Variants in LRRTM4 observed in about 807,000 individuals in gnomAD.
LRRTM4 encodes leucine-rich repeat transmembrane neuronal protein 4.
Under a neutral mutation model 47.6 loss-of-function variants are expected in LRRTM4, and 25 were observed. The ratio of observed to expected loss-of-function variants is 0.53; its 90% confidence interval spans 0.38 to 0.73. The LOEUF (loss-of-function observed/expected upper bound fraction) is 0.73, where lower values mean the gene tolerates loss of function less well. Ranked by LOEUF, LRRTM4 falls within the 30% of genes least tolerant of loss-of-function variation. The pLI is 0.00. For synonymous variants in LRRTM4, 311 were observed against 269.5 expected (o/e 1.15, Z -1.51); for missense variants, 638 against 713.4 (o/e 0.89, Z 1.20).
chr2:77,239,724 C>T (rs538859595), intron 3 of LRRTM4, among the ~76,000 whole-genome samples: 2 of 151,692 alleles, frequency 1.3e-5, no homozygotes, highest in African/African-American at 2.4e-5. Flanking sequence ...ATATAATAAC[C>T]CTATTGTTGC....
intron 3 of LRRTM4, among the ~76,000 whole-genome samples, chr2:77,044,396 G>T (rs1458410110): frequency 6.6e-6 from 1 of 151,660 alleles, no homozygotes. Context: ...ACCTTCTATG[G>T]AAGCTCAAAA....
chr2:77,392,988 T>C (rs1195881655), intron 3 of LRRTM4, among the ~76,000 whole-genome samples: 3 of 151,998 alleles, frequency 2.0e-5, no homozygotes, highest in Admixed American at 6.6e-5. Context: ...TAAATATATA[T>C]AGTTTTTACT....
At chr2:77,183,089 C>G (rs1165279659) in intron 3 of LRRTM4, among the ~76,000 whole-genome samples, 2 of 152,122 alleles carry the variant, frequency 1.3e-5, no homozygotes, top group Admixed American at 6.6e-5. Context: ...CAAATGGGAT[C>G]TAATTAAACT....
chr2:77,156,095 A>G (rs755176605), intron 3 of LRRTM4, among the ~76,000 whole-genome samples: 6 of 152,090 alleles, frequency 3.9e-5, no homozygotes, highest in Non-Finnish European at 8.8e-5. Flanking sequence ...ACTAGTAAAT[A>G]AAGTACTCTG....
At chr2:77,479,287 T>C (rs1218269300) in intron 3 of LRRTM4, among the ~76,000 whole-genome samples, 1 of 152,224 alleles carries the variant, frequency 6.6e-6, no homozygotes, top group Non-Finnish European at 1.5e-5. Context: ...GTCTGATTTT[T>C]TTTATATGAA....
At chr2:76,947,663 G>A (rs906144281) in intron 3 of LRRTM4, among the ~76,000 whole-genome samples, 2 of 151,722 alleles carry the variant, frequency 1.3e-5, no homozygotes, top group Admixed American at 6.6e-5. Context: ...ATACAAGTAT[G>A]ATCACACATA....
intron 3 of LRRTM4, among the ~76,000 whole-genome samples, chr2:76,754,935 C>T (rs914395259): frequency 1.3e-5 from 2 of 152,130 alleles, no homozygotes; most frequent in Non-Finnish European, 2.9e-5. Context: ...ACAGCAAAGT[C>T]CGCAAAAGAC....
chr2:77,104,706 G>A (rs144139078), intron 3 of LRRTM4, among the ~76,000 whole-genome samples: 1 of 152,288 alleles, frequency 6.6e-6, no homozygotes, highest in Non-Finnish European at 1.5e-5. Flanking sequence ...GGAACACTTG[G>A]TGGCGCCAAT....
At chr2:77,410,476 A>G (rs1674375685) in intron 3 of LRRTM4, among the ~76,000 whole-genome samples, 1 of 152,182 alleles carries the variant, frequency 6.6e-6, no homozygotes, top group Admixed American at 6.5e-5. Flanking sequence ...GTAACACCAT[A>G]GGAAGCACCA....
chr2:77,259,939 T>C (rs1675872477), intron 3 of LRRTM4, among the ~76,000 whole-genome samples: 1 of 151,964 alleles, frequency 6.6e-6, no homozygotes, highest in Admixed American at 6.6e-5. Context: ...CTTCAACTGA[T>C]TGTTGTGAAT....
At chr2:77,341,170 G>C (rs1671360034) in intron 3 of LRRTM4, among the ~76,000 whole-genome samples, 1 of 151,946 alleles carries the variant, frequency 6.6e-6, no homozygotes, top group Non-Finnish European at 1.5e-5. Context: ...GACTGGGACA[G>C]AGTCCTTAAT....
At chr2:76,976,370 A>G (rs1015809484) in intron 3 of LRRTM4, among the ~76,000 whole-genome samples, 3 of 151,772 alleles carry the variant, frequency 2.0e-5, no homozygotes, top group Non-Finnish European at 4.4e-5. Flanking sequence ...GAAGAAACCC[A>G]TATATAAACG....
intron 3 of LRRTM4, among the ~76,000 whole-genome samples, chr2:77,502,397 G>C (rs1051544907): frequency 6.6e-6 from 1 of 151,062 alleles, no homozygotes; most frequent in Non-Finnish European, 1.5e-5. Context: ...TTAAAAAACT[G>C]GGCCACACAA....
At chr2:77,468,236 G>A (rs1040486253) in intron 3 of LRRTM4, among the ~76,000 whole-genome samples, 3 of 152,008 alleles carry the variant, frequency 2.0e-5, no homozygotes, top group African/African-American at 7.2e-5. Context: ...ATATGTTTAG[G>A]TATCACTGAT....
intron 3 of LRRTM4, among the ~76,000 whole-genome samples, chr2:77,469,808 G>A (rs1677117104): frequency 6.6e-6 from 1 of 151,810 alleles, no homozygotes. Flanking sequence ...ATATTCAAGG[G>A]AAACCTTCTT....
At chr2:77,126,020 C>A (rs1671645145) in intron 3 of LRRTM4, among the ~76,000 whole-genome samples, 1 of 151,268 alleles carries the variant, frequency 6.6e-6, no homozygotes, top group African/African-American at 2.4e-5. Flanking sequence ...GGGTCATGTA[C>A]ATATGTGCAC....
intron 3 of LRRTM4, among the ~76,000 whole-genome samples, chr2:76,920,653 G>T (rs17013338): frequency 0.16 from 24,706 of 151,900 alleles, 2,898 homozygotes; most frequent in East Asian, 0.59. Flanking sequence ...TGGTTTAGAG[G>T]TGTTTTCCTG....
intron 3 of LRRTM4, among the ~76,000 whole-genome samples, chr2:76,882,298 C>T (rs1672954397): frequency 6.6e-6 from 1 of 151,876 alleles, no homozygotes; most frequent in Non-Finnish European, 1.5e-5. Context: ...TTTTACTTAA[C>T]TTTTACTGAA....
intron 3 of LRRTM4, among the ~76,000 whole-genome samples, chr2:77,217,447 A>ATATATATATATATATATG (rs1298084898): frequency 7.6e-6 from 1 of 131,328 alleles, no homozygotes; most frequent in East Asian, 2.2e-4. Flanking sequence ...TGAAATATAT[A>ATATATATATATATATATG]TATATATATA....
Sources: gnomAD v4.1 joint callset for allele counts (sites outside exome capture counted in the v4.1 genomes callset) on GRCh38, gnomAD v4.1.1 for gene constraint, MANE v1.5 for transcripts, NCBI Gene and HGNC (gene_info 2026-07-23, HGNC 2026-07-21) for gene names.